AFDN: variants seen among roughly 807,000 people sequenced by gnomAD.
The protein encoded by AFDN is afadin, adherens junction formation factor.
In AFDN, 68 loss-of-function variants were observed where a neutral mutation model predicts 216.6. The ratio of observed to expected loss-of-function variants is 0.31; its 90% confidence interval spans 0.26 to 0.38. The LOEUF (loss-of-function observed/expected upper bound fraction) is 0.38. Ranked by LOEUF, AFDN falls within the 10% of genes least tolerant of loss-of-function variation. AFDN has a pLI of 1.00. For missense variants in AFDN, 2,136 were observed against 2,342.0 expected (o/e 0.91, Z 1.82); for synonymous variants, 868 against 853.7 (o/e 1.02, Z -0.29).
intron 30 of AFDN, chr6:167,954,579 A>C (rs1264141742): frequency 1.6e-6 from 2 of 1,244,784 alleles, no homozygotes; most frequent in Non-Finnish European, 1.1e-6. Flanking sequence ...TGTTTTCAGT[A>C]GATCCAGTTC....
chr6:167,841,441 G>C (rs146997620), intron 1 of AFDN, among the ~76,000 whole-genome samples: 31 of 152,156 alleles, frequency 2.0e-4, no homozygotes, highest in Non-Finnish European at 3.2e-4. Context: ...GCTGGGGAAG[G>C]GGAACTGGCT....
chr6:167,948,090 T>G, intron 28 of AFDN, 146 bp downstream of exon 28: 1 of 764,824 alleles, frequency 1.3e-6, no homozygotes, highest in Non-Finnish European at 2.1e-6. Context: ...CTTTTGATTT[T>G]TAATATACTA....
At chr6:167,890,407 G>A (rs1480475823) in intron 7 of AFDN, among the ~76,000 whole-genome samples, 2 of 152,150 alleles carry the variant, frequency 1.3e-5, no homozygotes, top group Admixed American at 6.5e-5. Context: ...GCGGGAACAG[G>A]CGGTATTTGG....
chr6:167,925,220 C>T (rs1046065926), intron 23 of AFDN, 129 bp downstream of exon 23: 12 of 668,720 alleles, frequency 1.8e-5, no homozygotes, highest in African/African-American at 3.6e-5. Context: ...TCTGTTTCTG[C>T]GTAGGAGAGG....
At chr6:167,920,258 G>A (rs1032894552) in intron 21 of AFDN, among the ~76,000 whole-genome samples, 1 of 152,144 alleles carries the variant, frequency 6.6e-6, no homozygotes, top group Non-Finnish European at 1.5e-5. Flanking sequence ...AGGAGGGCTG[G>A]GTTTCAGTGC....
At chr6:167,915,483 C>A in intron 19 of AFDN, 50 bp downstream of exon 19, 1 of 1,547,132 alleles carries the variant, frequency 6.5e-7, no homozygotes, top group Non-Finnish European at 8.7e-7. Flanking sequence ...ATAAAGGCAT[C>A]TGATCTTTAT....
At chr6:167,939,118 T>C (rs1794369070) in intron 23 of AFDN, among the ~76,000 whole-genome samples, 1 of 152,182 alleles carries the variant, frequency 6.6e-6, no homozygotes, top group Non-Finnish European at 1.5e-5. Context: ...TGTTCTAAAA[T>C]ATATATTTGG....
intron 19 of AFDN, among the ~76,000 whole-genome samples, chr6:167,916,176 A>G (rs1340174673): frequency 6.6e-6 from 1 of 152,198 alleles, no homozygotes; most frequent in Non-Finnish European, 1.5e-5. Flanking sequence ...CTGTAGATGC[A>G]TCATCCCAGT....
intron 8 of AFDN, among the ~76,000 whole-genome samples, chr6:167,892,491 C>T (rs553241953): frequency 1.7e-4 from 26 of 152,190 alleles, no homozygotes; most frequent in Non-Finnish European, 3.1e-4. Flanking sequence ...ATTGTTTTCT[C>T]CAAATCCAAA....
chr6:167,970,265 T>C lies in AFDN; in HGVS notation c.*330T>C, dbSNP rs1797934472. The C allele has an allele frequency of 1.4e-5, 4 of 295,250 alleles. No individual in the cohort carries two copies. Among genetic ancestry groups the C allele is most frequent in the Non-Finnish European group, 1.9e-5 (3 of 160,078 alleles). The allele number at this position is 295,250 out of a possible 1,614,324, so 18.3% of individuals were successfully genotyped here. ...GGCAGGAGAAGAGAATGGATGTGTC[T>C]TCTCTCCCATCTTCCCCTCATCATC... On this transcript the variant is annotated 3_prime_UTR_variant, in exon 34 of 34. Transcript: ENST00000683244.
chr6:167,827,663 C>T (rs932790249), intron 1 of AFDN: 12 of 150,652 alleles, frequency 8.0e-5, no homozygotes, highest in Admixed American at 2.0e-4. Context: ...TCGCCGTGGC[C>T]GGGATGGAGC....
chr6:167,932,299 G>A (rs903205457), intron 23 of AFDN, among the ~76,000 whole-genome samples: 15 of 152,090 alleles, frequency 9.9e-5, no homozygotes, highest in African/African-American at 3.6e-4. Flanking sequence ...CCTTCCACAC[G>A]GTGGTTAAGT....
At chr6:167,947,241 G>A (rs1350341761) in intron 27 of AFDN, among the ~76,000 whole-genome samples, 6 of 151,418 alleles carry the variant, frequency 4.0e-5, no homozygotes, top group East Asian at 1.9e-4. Context: ...GTGCAGTGGC[G>A]CGATCTCGGC....
intron 13 of AFDN, among the ~76,000 whole-genome samples, chr6:167,908,211 C>T (rs1200313828): frequency 6.6e-6 from 1 of 152,222 alleles, no homozygotes; most frequent in Non-Finnish European, 1.5e-5. Flanking sequence ...CCAGGGTCAC[C>T]TATCAGTTCA....
chr6:167,898,886 C>T (rs961321489), intron 11 of AFDN, among the ~76,000 whole-genome samples: 1 of 152,188 alleles, frequency 6.6e-6, no homozygotes, highest in African/African-American at 2.4e-5. Flanking sequence ...CCACCTAGTG[C>T]TTTTCTGAAG....
chr6:167,900,221 C>G (rs1260365167), intron 11 of AFDN, among the ~76,000 whole-genome samples: 2 of 152,124 alleles, frequency 1.3e-5, no homozygotes, highest in Non-Finnish European at 2.9e-5. Flanking sequence ...TAATTTTGCT[C>G]TAGTGTCAAA....
intron 31 of AFDN, chr6:167,964,614 CTGTGTGTGTGTGTGTGTG>C (rs369928994): frequency 1.2e-4 from 116 of 960,076 alleles, no homozygotes; most frequent in Middle Eastern, 4.6e-4. Context: ...CGTATTCACT[CTGTGTGTGTGTGTGTGTG>C]TGTGTGTGTG....
chr6:167,918,091 G>A (rs1470981426), intron 20 of AFDN, among the ~76,000 whole-genome samples: 3 of 152,182 alleles, frequency 2.0e-5, no homozygotes, highest in Non-Finnish European at 4.4e-5. Flanking sequence ...CTACTCAGGT[G>A]GCGATGTTCT....
chr6:167,921,045 C>T (rs1583415963), intron 21 of AFDN, among the ~76,000 whole-genome samples: 1 of 152,372 alleles, frequency 6.6e-6, no homozygotes, highest in East Asian at 1.9e-4. Flanking sequence ...GCTGCACTTT[C>T]TCTGATCCTC....
Sources: gnomAD v4.1 joint callset for allele counts (sites outside exome capture counted in the v4.1 genomes callset) on GRCh38, gnomAD v4.1.1 for gene constraint, MANE v1.5 for transcripts, NCBI Gene and HGNC (gene_info 2026-07-23, HGNC 2026-07-21) for gene names.